Variants in KLF12 observed in about 807,000 individuals in gnomAD.
The protein encoded by KLF12 is Krueppel-like factor 12.
KLF12 carries 9 observed loss-of-function variants against 37.8 expected under a neutral mutation model. The observed-to-expected ratio is 0.24, with a 90% CI of 0.14 to 0.42. The LOEUF (loss-of-function observed/expected upper bound fraction) is 0.42. Among genes scored for constraint, KLF12 ranks in the 10% least tolerant of loss-of-function variants. The pLI is 1.00. For missense variants in KLF12, 411 were observed against 516.0 expected, an observed-to-expected ratio of 0.80 and a Z score of 1.97; for synonymous variants, 208 against 202.1, an observed-to-expected ratio of 1.03 and a Z score of -0.25.
chr13:74,007,130 A>G (rs1483401884), intron 1 of KLF12, among the ~76,000 whole-genome samples: 2 of 152,192 alleles, frequency 1.3e-5, no homozygotes, highest in East Asian at 3.9e-4. Context: ...TAAAATCAAC[A>G]CAGCCAACTA....
chr13:73,744,210 T>G (rs1878207581), intron 6 of KLF12, among the ~76,000 whole-genome samples: 2 of 152,180 alleles, frequency 1.3e-5, no homozygotes, highest in Non-Finnish European at 2.9e-5. Flanking sequence ...GATTAGGAGA[T>G]TCACTGCTAA....
intron 3 of KLF12, among the ~76,000 whole-genome samples, chr13:73,890,164 G>T (rs1887432864): frequency 6.6e-6 from 1 of 152,012 alleles, no homozygotes; most frequent in African/African-American, 2.4e-5. Context: ...GATTTCCTCT[G>T]ATTTTCTCCC....
chr13:74,245,367 T>C, the KLF12 span, among the ~76,000 whole-genome samples: 1 of 151,990 alleles, frequency 6.6e-6, no homozygotes, highest in Admixed American at 6.6e-5. Context: ...GTATTAAAAG[T>C]CTGAAAGTGG....
chr13:74,172,148 C>CACACACACACACA, the KLF12 span, among the ~76,000 whole-genome samples: 3 of 151,574 alleles, frequency 2.0e-5, no homozygotes, highest in African/African-American at 7.3e-5. Context: ...TCACGACACA[C>CACACACACACACA]ACACACACAC....
At chr13:74,126,351 A>G (rs1877940956) in intron 1 of KLF12, among the ~76,000 whole-genome samples, 1 of 152,206 alleles carries the variant, frequency 6.6e-6, no homozygotes, top group Non-Finnish European at 1.5e-5. Flanking sequence ...GACATGTTTT[A>G]AAGGAGACTC....
chr13:74,070,780 C>A (rs1874186218), intron 1 of KLF12, among the ~76,000 whole-genome samples: 1 of 152,092 alleles, frequency 6.6e-6, no homozygotes, highest in South Asian at 2.1e-4. Flanking sequence ...GTGGGCAATG[C>A]AGCAGACCTT....
intron 7 of KLF12, among the ~76,000 whole-genome samples, chr13:73,697,905 C>A (rs1448441259): frequency 1.3e-5 from 2 of 152,140 alleles, no homozygotes; most frequent in African/African-American, 2.4e-5. Flanking sequence ...GTAATCCCAG[C>A]ACTTTGGGAG....
intron 1 of KLF12, among the ~76,000 whole-genome samples, chr13:74,007,926 C>A (rs898160747): frequency 6.7e-6 from 1 of 149,384 alleles, no homozygotes; most frequent in Non-Finnish European, 1.5e-5. Flanking sequence ...AAACCAGTTA[C>A]AAAAGTGCAC....
chr13:73,927,691 C>T (rs1019448908), intron 3 of KLF12, among the ~76,000 whole-genome samples: 9 of 151,758 alleles, frequency 5.9e-5, no homozygotes, highest in Non-Finnish European at 1.0e-4. Flanking sequence ...AATTCTCCTG[C>T]CTCAGCTTCC....
intron 5 of KLF12, among the ~76,000 whole-genome samples, chr13:73,804,098 C>T (rs1423983150): frequency 6.6e-6 from 1 of 152,184 alleles, no homozygotes; most frequent in East Asian, 1.9e-4. Context: ...CATCTCCCAT[C>T]TCACCTCCTC....
At chr13:74,277,887 G>A in the KLF12 span, among the ~76,000 whole-genome samples, 2 of 152,146 alleles carry the variant, frequency 1.3e-5, no homozygotes, top group Admixed American at 6.6e-5. Flanking sequence ...GAGAGTAGTT[G>A]GCTTCTTCTA....
At chr13:74,247,789 C>G in the KLF12 span, among the ~76,000 whole-genome samples, 3 of 151,916 alleles carry the variant, frequency 2.0e-5, no homozygotes, top group Admixed American at 2.0e-4. Flanking sequence ...TTAGCATAAA[C>G]AGATAGAATG....
At chr13:73,758,631 CTATTCCTGGGTTTTTAA>C (rs1052156342) in intron 6 of KLF12, among the ~76,000 whole-genome samples, 8 of 152,140 alleles carry the variant, frequency 5.3e-5, no homozygotes, top group African/African-American at 1.9e-4. Flanking sequence ...GGTTGATAAA[CTATTCCTGGGTTTTTAA>C]TATGAAAATG....
intron 1 of KLF12, among the ~76,000 whole-genome samples, chr13:74,115,819 A>C (rs1426219271): frequency 6.6e-6 from 1 of 151,676 alleles, no homozygotes; most frequent in African/African-American, 2.4e-5. Context: ...CTGTATTCTT[A>C]TTGCCTTCTC....
chr13:73,864,351 A>G (rs1006593598), intron 3 of KLF12, among the ~76,000 whole-genome samples: 5 of 152,146 alleles, frequency 3.3e-5, no homozygotes, highest in Admixed American at 3.3e-4. Flanking sequence ...AGATTTAAGG[A>G]TTTAACAAAC....
intron 2 of KLF12, chr13:73,960,530 C>T (rs531494484): frequency 5.3e-6 from 1 of 187,606 alleles, no homozygotes; most frequent in South Asian, 8.4e-5. Flanking sequence ...AGTTCCTATA[C>T]AGGTTAGCAA....
intron 3 of KLF12, among the ~76,000 whole-genome samples, chr13:73,925,518 T>G (rs1409673668): frequency 6.6e-6 from 1 of 152,196 alleles, no homozygotes; most frequent in Admixed American, 6.5e-5. Flanking sequence ...ACTTTGACAA[T>G]GTACCTAGTC....
intron 6 of KLF12, among the ~76,000 whole-genome samples, chr13:73,718,168 A>G (rs937610930): frequency 3.9e-5 from 6 of 152,232 alleles, no homozygotes; most frequent in African/African-American, 1.4e-4. Context: ...GCTGAGTTCC[A>G]TTGATTTTAG....
chr13:73,823,717 T>C (rs201494535), intron 4 of KLF12, among the ~76,000 whole-genome samples: 1 of 134,206 alleles, frequency 7.5e-6, no homozygotes, highest in Non-Finnish European at 1.7e-5. Flanking sequence ...TTCTGGCCTC[T>C]TCTTTTTTTT....
Sources: gnomAD v4.1 joint callset for allele counts (sites outside exome capture counted in the v4.1 genomes callset) on GRCh38, gnomAD v4.1.1 for gene constraint, MANE v1.5 for transcripts, NCBI Gene and HGNC (gene_info 2026-07-23, HGNC 2026-07-21) for gene names.